PPARGC1A: variants seen among roughly 807,000 people sequenced by gnomAD.
PPARGC1A encodes peroxisome proliferator-activated receptor gamma coactivator 1-alpha.
In PPARGC1A, 25 loss-of-function variants were observed where a neutral mutation model predicts 88.7. The observed-to-expected ratio is 0.28, with a 90% CI of 0.21 to 0.39. The LOEUF is 0.39. Among genes scored for constraint, PPARGC1A ranks in the 10% least tolerant of loss-of-function variants. PPARGC1A has a pLI of 1.00. For synonymous variants in PPARGC1A, 363 were observed against 355.6 expected (o/e 1.02, Z -0.24); for missense variants, 880 against 968.7 (o/e 0.91, Z 1.22).
the PPARGC1A span, among the ~76,000 whole-genome samples, chr4:24,270,306 CCTCTCTCTCT>C: frequency 5.9e-3 from 873 of 147,586 alleles, 13 homozygotes; most frequent in African/African-American, 0.017. Context: ...AATAAATCAA[CCTCTCTCTCT>C]CTCTCTCTCT....
chr4:24,463,773 C>A, the PPARGC1A span, among the ~76,000 whole-genome samples: 1 of 151,996 alleles, frequency 6.6e-6, no homozygotes, highest in Admixed American at 6.6e-5. Context: ...GAAAGGAGAG[C>A]AATGGGAGTG....
chr4:24,209,502 G>A, the PPARGC1A span, among the ~76,000 whole-genome samples: 1 of 152,188 alleles, frequency 6.6e-6, no homozygotes, highest in African/African-American at 2.4e-5. Context: ...ACATCCTACA[G>A]GGCACAGCAC....
the PPARGC1A span, among the ~76,000 whole-genome samples, chr4:24,010,551 G>A: frequency 6.6e-6 from 1 of 151,898 alleles, no homozygotes; most frequent in Non-Finnish European, 1.5e-5. Context: ...GTTCTAGTGG[G>A]AAGGACAGAC....
At chr4:24,282,272 C>A in the PPARGC1A span, among the ~76,000 whole-genome samples, 1 of 152,150 alleles carries the variant, frequency 6.6e-6, no homozygotes, top group Non-Finnish European at 1.5e-5. Context: ...TATTACATAA[C>A]CATGTAACCA....
chr4:24,103,466 AG>A, the PPARGC1A span, among the ~76,000 whole-genome samples: 1 of 152,164 alleles, frequency 6.6e-6, no homozygotes. Context: ...CACCCAGGAC[AG>A]AGAGCAGAGC....
chr4:24,444,998 G>A, the PPARGC1A span, among the ~76,000 whole-genome samples: 1 of 152,008 alleles, frequency 6.6e-6, no homozygotes, highest in Non-Finnish European at 1.5e-5. Context: ...GTTGCAGTGA[G>A]CTGTGATTGC....
chr4:24,076,760 T>A, the PPARGC1A span, among the ~76,000 whole-genome samples: 1 of 152,162 alleles, frequency 6.6e-6, no homozygotes, highest in Admixed American at 6.6e-5. Flanking sequence ...GACGTTTGAA[T>A]ATGGAAAATG....
At chr4:24,419,188 A>T in the PPARGC1A span, among the ~76,000 whole-genome samples, 7 of 151,978 alleles carry the variant, frequency 4.6e-5, no homozygotes, top group African/African-American at 1.5e-4. Context: ...GGTCGTCTCT[A>T]CTGAGAACAT....
At chr4:24,154,484 T>C in the PPARGC1A span, among the ~76,000 whole-genome samples, 1 of 152,226 alleles carries the variant, frequency 6.6e-6, no homozygotes, top group African/African-American at 2.4e-5. Flanking sequence ...AAAAATGCTA[T>C]GGAAAGAGCC....
the PPARGC1A span, among the ~76,000 whole-genome samples, chr4:24,124,775 G>A: frequency 1.3e-5 from 2 of 152,158 alleles, no homozygotes; most frequent in Non-Finnish European, 2.9e-5. Flanking sequence ...CACTGTGGCT[G>A]TGAGAGTCAT....
chr4:24,297,907 C>T, the PPARGC1A span, among the ~76,000 whole-genome samples: 2 of 152,106 alleles, frequency 1.3e-5, no homozygotes, highest in African/African-American at 2.4e-5. Flanking sequence ...CTTCAGCTAA[C>T]GTAAGCCCAA....
At chr4:24,254,799 C>A in the PPARGC1A span, among the ~76,000 whole-genome samples, 1 of 152,194 alleles carries the variant, frequency 6.6e-6, no homozygotes, top group Non-Finnish European at 1.5e-5. Flanking sequence ...GCAATTATCT[C>A]ATTGTATTAA....
At chr4:23,870,786 T>C (rs1366533183) in intron 2 of PPARGC1A, among the ~76,000 whole-genome samples, 1 of 152,182 alleles carries the variant, frequency 6.6e-6, no homozygotes, top group Non-Finnish European at 1.5e-5. Context: ...AAATTTTTAA[T>C]GGCTACAGAA....
chr4:23,943,330 C>A, the PPARGC1A span, among the ~76,000 whole-genome samples: 1 of 150,026 alleles, frequency 6.7e-6, no homozygotes, highest in Non-Finnish European at 1.5e-5. Flanking sequence ...AACATGAGTG[C>A]AAATAGGTTT....
At chr4:24,134,391 A>G in the PPARGC1A span, among the ~76,000 whole-genome samples, 1 of 152,220 alleles carries the variant, frequency 6.6e-6, no homozygotes, top group Non-Finnish European at 1.5e-5. Context: ...AAATCAACCC[A>G]GTCATCATTT....
At chr4:23,829,833 C>T (rs564193109) in intron 3 of PPARGC1A, among the ~76,000 whole-genome samples, 211 of 152,114 alleles carry the variant, frequency 1.4e-3, no homozygotes, top group Non-Finnish European at 2.4e-3. Context: ...TTTCTAGAAT[C>T]GTATGCATAA....
At chr4:23,877,196 A>G (rs555836774) in intron 2 of PPARGC1A, among the ~76,000 whole-genome samples, 5 of 152,060 alleles carry the variant, frequency 3.3e-5, no homozygotes, top group Admixed American at 1.3e-4. Flanking sequence ...CTTGCTTTCA[A>G]ACGTACCTCT....
the PPARGC1A span, among the ~76,000 whole-genome samples, chr4:23,977,133 T>G: frequency 1.3e-5 from 2 of 151,390 alleles, no homozygotes; most frequent in African/African-American, 4.8e-5. Flanking sequence ...AGGAGAGGAA[T>G]GCTCCTTGGT....
chr4:24,095,910 C>T, the PPARGC1A span, among the ~76,000 whole-genome samples: 1 of 152,172 alleles, frequency 6.6e-6, no homozygotes, highest in Non-Finnish European at 1.5e-5. Context: ...AGCCTCATCA[C>T]CTCTTAAAGG....
Sources: gnomAD v4.1 joint callset for allele counts (sites outside exome capture counted in the v4.1 genomes callset) on GRCh38, gnomAD v4.1.1 for gene constraint, MANE v1.5 for transcripts, NCBI Gene and HGNC (gene_info 2026-07-23, HGNC 2026-07-21) for gene names.